Variants in CDH13 observed in about 807,000 individuals in gnomAD.
CDH13 encodes the protein cadherin-13.
A neutral mutation model predicts 63.8 loss-of-function variants in CDH13; 24 were observed. The observed-to-expected ratio is 0.38, with a 90% CI of 0.27 to 0.53. CDH13 has a LOEUF of 0.53. Among genes scored for constraint, CDH13 ranks in the 20% least tolerant of loss-of-function variants. The probability of loss-of-function intolerance (pLI) is 0.85; values close to 1 mark genes in which losing one functional copy is unlikely to be tolerated. For missense variants in CDH13, 1,049 were observed against 903.1 expected, an observed-to-expected ratio of 1.16 and a Z score of -2.07; for synonymous variants, 503 against 355.3, an observed-to-expected ratio of 1.42 and a Z score of -4.67.
At chr16:83,285,889 T>A (rs189236966) in intron 5 of CDH13, among the ~76,000 whole-genome samples, 2 of 152,304 alleles carry the variant, frequency 1.3e-5, no homozygotes, top group Admixed American at 1.3e-4. Context: ...TGGCCAGGCA[T>A]CACAGAGAAG....
chr16:83,138,708 G>T (rs1025400755), intron 4 of CDH13, among the ~76,000 whole-genome samples: 2 of 152,200 alleles, frequency 1.3e-5, no homozygotes, highest in Non-Finnish European at 2.9e-5. Context: ...CACACGATCA[G>T]ATTTGCATTT....
At chr16:83,169,104 T>G (rs897462808) in intron 4 of CDH13, among the ~76,000 whole-genome samples, 3 of 151,970 alleles carry the variant, frequency 2.0e-5, no homozygotes, top group Non-Finnish European at 4.4e-5. Context: ...TGCAAAGAAA[T>G]AACACTATGG....
At chr16:83,474,093 C>G (rs2073536118) in intron 6 of CDH13, among the ~76,000 whole-genome samples, 1 of 152,142 alleles carries the variant, frequency 6.6e-6, no homozygotes, top group African/African-American at 2.4e-5. Flanking sequence ...TTTGACTTCC[C>G]TGAGCCTGAG....
chr16:82,672,768 TACACACAC>T lies in CDH13; in HGVS notation c.45+45657_45+45664del, dbSNP rs58819198. ...CTTTAAGAAAGGAAATATATATGTGTACACACACACACACACACACACACACACACACA... is the reference window on the plus strand; with the variant it reads ...CTTTAAGAAAGGAAATATATATGTGTACACACACACACACACACACACACA... On this transcript the variant is annotated intron_variant, in intron 1 of 13. Coordinates refer to ENST00000567109, the MANE Select transcript of CDH13 (RefSeq NM_001257.5). 7.8e-3 allele frequency among the ~76,000 whole-genome samples: 1,132 copies of T among 144,666 alleles called. 9 individuals carry two copies. The highest frequency in any genetic ancestry group is 0.016 in the South Asian group (72 of 4,382). 94.9% of individuals were successfully genotyped at this position (144,666 alleles called of 152,430 possible).
intron 2 of CDH13, among the ~76,000 whole-genome samples, chr16:82,998,164 A>G (rs921615151): frequency 3.9e-5 from 6 of 152,128 alleles, no homozygotes; most frequent in Non-Finnish European, 5.9e-5. Flanking sequence ...AACTTTTTAT[A>G]TTTCGTCATA....
chr16:83,137,079 T>C lies in CDH13; in HGVS notation c.483+11578T>C, dbSNP rs571381452. On this transcript the variant is annotated intron_variant, in intron 4 of 13. Transcript: ENST00000567109. ...TGGAAGGGGTCAGGGGGCACATGGG[T>C]CCCAGGGGAGCTACGCTTGAGTGAA... Among the ~76,000 whole-genome samples the C allele has an allele frequency of 1.1e-4, 16 of 152,262 alleles. No individual in the cohort carries two copies. In the South Asian group the frequency reaches 3.3e-3, roughly 32 times the overall value.
At chr16:83,507,173 C>G (rs920139282) in intron 7 of CDH13, among the ~76,000 whole-genome samples, 3 of 152,200 alleles carry the variant, frequency 2.0e-5, no homozygotes, top group African/African-American at 2.4e-5. Flanking sequence ...CTCAATCCCT[C>G]TTTCTTCATT....
Position 83,670,938 on chromosome 16 carries a change from C to G in CDH13, c.1250C>G (p.Pro417Arg), listed in dbSNP as rs780726539. The G allele has an allele frequency of 1.1e-5, 18 of 1,606,678 alleles. No individual in the cohort carries two copies. In the African/African-American group the frequency reaches 1.7e-4, roughly 16 times the overall value. Reference sequence around the variant, plus strand: ...CAGAGCTTTGAAATCCACACCAACCCTCAAACCAACGAAGGGATGCTTTCT... The same window carrying G: ...CAGAGCTTTGAAATCCACACCAACCGTCAAACCAACGAAGGGATGCTTTCT... ...PGQSFEIHTN[P>R]QTNEGMLSVV... The change falls in exon 9 of 14, where the codon CCT becomes CGT. Residue 417 changes from proline (P) to arginine (R), a missense_variant. Physicochemically the swap from Pro to Arg is moderately radical, Grantham distance 103. Coordinates refer to ENST00000567109, the MANE Select transcript of CDH13 (RefSeq NM_001257.5).
At chr16:82,758,913 T>G (rs1301593376) in intron 1 of CDH13, among the ~76,000 whole-genome samples, 1 of 152,212 alleles carries the variant, frequency 6.6e-6, no homozygotes, top group African/African-American at 2.4e-5. Context: ...AGTCTTTTCT[T>G]AAATACACGT....
chr16:83,600,569 C>T (rs1298054869), intron 7 of CDH13, among the ~76,000 whole-genome samples: 1 of 152,150 alleles, frequency 6.6e-6, no homozygotes, highest in Non-Finnish European at 1.5e-5. Context: ...AATTGGACAT[C>T]CTCCATTGCT....
intron 10 of CDH13, among the ~76,000 whole-genome samples, chr16:83,686,414 A>G (rs1264270316): frequency 1.3e-5 from 2 of 152,236 alleles, no homozygotes; most frequent in Admixed American, 6.5e-5. Context: ...CCACGGGCCT[A>G]CAAAAATGTC....
At chr16:83,331,701 T>C (rs1231302517) in intron 5 of CDH13, among the ~76,000 whole-genome samples, 1 of 152,224 alleles carries the variant, frequency 6.6e-6, no homozygotes, top group African/African-American at 2.4e-5. Flanking sequence ...CTTTATTTTT[T>C]AAAAATTGCA....
intron 10 of CDH13, among the ~76,000 whole-genome samples, chr16:83,711,542 G>A (rs987041728): frequency 1.3e-5 from 2 of 151,990 alleles, no homozygotes; most frequent in Non-Finnish European, 2.9e-5. Context: ...TTTGAGAAAG[G>A]TCTTACTCTC....
intron 2 of CDH13, among the ~76,000 whole-genome samples, chr16:82,991,207 G>A (rs113547576): frequency 3.6e-3 from 548 of 152,262 alleles, no homozygotes; most frequent in African/African-American, 0.012. Flanking sequence ...TACCAAGAGT[G>A]CATTATTAAT....
chr16:82,664,621 T>A (rs1007782344), intron 1 of CDH13, among the ~76,000 whole-genome samples: 17 of 152,218 alleles, frequency 1.1e-4, no homozygotes, highest in African/African-American at 4.1e-4. Flanking sequence ...CCTGTGTGTT[T>A]CCTTAAAACA....
intron 3 of CDH13, among the ~76,000 whole-genome samples, chr16:83,121,450 G>A (rs1377310083): frequency 6.6e-6 from 1 of 152,212 alleles, no homozygotes; most frequent in Non-Finnish European, 1.5e-5. Flanking sequence ...AATATTTGAG[G>A]GGGCTCATGC....
At chr16:83,718,824 T>C (rs984806910) in intron 10 of CDH13, among the ~76,000 whole-genome samples, 3 of 152,330 alleles carry the variant, frequency 2.0e-5, no homozygotes, top group Admixed American at 6.5e-5. Context: ...TTTTCTATTC[T>C]TCTATGACCA....
chr16:82,797,338 G>A (rs534883191), intron 1 of CDH13, among the ~76,000 whole-genome samples: 37 of 152,250 alleles, frequency 2.4e-4, no homozygotes, highest in East Asian at 9.7e-4. Flanking sequence ...CAAGTACTAC[G>A]GTAGCTGCAG....
rs2151091137 is a variant in CDH13 at position 82,818,739 on chromosome 16, T to C, written c.46-39623T>C. ...CCTCACATCTGGCCACAGGCATCTC[T>C]CGGCAGCATGCAGGTCATCTAGGGC... On this transcript the variant is annotated intron_variant, in intron 1 of 13. Coordinates refer to ENST00000567109, the MANE Select transcript of CDH13 (RefSeq NM_001257.5). 2.0e-5 allele frequency among the ~76,000 whole-genome samples: 3 copies of C among 152,294 alleles called. No individual in the cohort carries two copies. In the South Asian group the frequency reaches 6.2e-4, roughly 32 times the overall value.
Sources: allele counts gnomAD v4.1 joint callset (sites outside exome capture counted in the v4.1 genomes callset), GRCh38; gene constraint gnomAD v4.1.1; transcripts MANE v1.5; gene names NCBI Gene and HGNC (gene_info 2026-07-23, HGNC 2026-07-21).